Variants in PCDHGA4 observed in about 807,000 individuals in gnomAD.
PCDHGA4 encodes protocadherin gamma subfamily A, 4.
A neutral mutation model predicts 54.6 loss-of-function variants in PCDHGA4; 38 were observed. The ratio of observed to expected loss-of-function variants is 0.70; its 90% CI spans 0.54 to 0.91. The LOEUF is 0.91. Ranked by LOEUF, PCDHGA4 falls within the 40% of genes least tolerant of loss-of-function variation. The pLI, the probability that PCDHGA4 is intolerant of heterozygous loss-of-function variation, is 0.00. For missense variants in PCDHGA4, 1,298 were observed against 1,220.9 expected, an observed-to-expected ratio of 1.06 and a Z score of -0.94; for synonymous variants, 511 against 512.9, an observed-to-expected ratio of 1.00 and a Z score of 0.05.
intron 1 of PCDHGA4, among the ~76,000 whole-genome samples, chr5:141,462,736 T>C (rs2099045667): frequency 6.6e-6 from 1 of 152,274 alleles, no homozygotes; most frequent in South Asian, 2.1e-4. Flanking sequence ...TTGTCACCTC[T>C]GTAATTCCTA....
chr5:141,359,246 A>G (rs1007985499), intron 1 of PCDHGA4, among the ~76,000 whole-genome samples: 1 of 152,156 alleles, frequency 6.6e-6, no homozygotes, highest in Non-Finnish European at 1.5e-5. Flanking sequence ...TAAAGTAATT[A>G]AGCCATAAAA....
rs748605515 is a variant in PCDHGA4 at position 141,486,688 on chromosome 5, C to T, written c.2515-8119C>T. ...CCAGGAATCGAGATGTATCAGCTTC[C>T]TCTTTCATCTCTCTGAACCCCCAGA... On this transcript the variant is annotated intron_variant, in intron 1 of 3. Transcript: ENST00000571252. The surrounding 1 kb of genome is among the most constrained non-coding windows in gnomAD (Gnocchi z 5.0). 2 of 1,614,170 alleles carry T rather than the reference C, an allele frequency of 1.2e-6. No individual in the cohort carries two copies. The highest frequency in any genetic ancestry group is 1.1e-5 in the South Asian group (1 of 91,086).
intron 1 of PCDHGA4, chr5:141,423,372 C>G: frequency 6.2e-7 from 1 of 1,614,178 alleles, no homozygotes; most frequent in Non-Finnish European, 8.5e-7. Context: ...TGCTGGCACT[C>G]AGGCTGTGGC....
intron 1 of PCDHGA4, chr5:141,395,547 TGTGTG>T (rs2093267739): frequency 0.011 from 1,902 of 174,314 alleles, 94 homozygotes; most frequent in African/African-American, 0.026. Flanking sequence ...ATTGTTTGTG[TGTGTG>T]TGTGTGTGTG....
chr5:141,376,111 C>T (rs1772297221), intron 1 of PCDHGA4: 1 of 1,613,704 alleles, frequency 6.2e-7, no homozygotes, highest in Admixed American at 1.7e-5. Flanking sequence ...CCGACCTGGG[C>T]AGCCTCGAGC....
chr5:141,371,213 C>A, intron 1 of PCDHGA4: 1 of 1,614,002 alleles, frequency 6.2e-7, no homozygotes, highest in Non-Finnish European at 8.5e-7. Flanking sequence ...ATGAGGGCAT[C>A]AATGCCGAAA....
At chr5:141,453,145 G>A (rs1329081754) in intron 1 of PCDHGA4, among the ~76,000 whole-genome samples, 3 of 151,752 alleles carry the variant, frequency 2.0e-5, no homozygotes, top group Admixed American at 6.6e-5. Context: ...ATAGGGTCTC[G>A]CTATGTCACC....
intron 1 of PCDHGA4, chr5:141,379,506 A>T (rs774188975): frequency 9.2e-5 from 14 of 152,280 alleles, no homozygotes; most frequent in Non-Finnish European, 1.8e-4. Context: ...TGGGATGTTA[A>T]ACTACATCTT....
At chr5:141,398,698 T>C (rs2093690457) in intron 1 of PCDHGA4, 2 of 1,613,680 alleles carry the variant, frequency 1.2e-6, no homozygotes, top group Admixed American at 1.7e-5. Flanking sequence ...TGGTAGTAAA[T>C]ACCCGGAACT....
intron 1 of PCDHGA4, chr5:141,375,974 G>T: frequency 6.2e-7 from 1 of 1,613,354 alleles, no homozygotes; most frequent in Non-Finnish European, 8.5e-7. Context: ...CACGGCGCGC[G>T]CCCTGCTGGA....
In PCDHGA4 at chr5:141,356,852, T is replaced by A. The variant is rs1291274340; in HGVS notation, c.1745T>A (p.Phe582Tyr). ...AGCAGCAATGTGTCACTGAGCCTCT[T>A]TGTGCTGGACCAGAACGACAATGTC... ...PLSSNVSLSL[F>Y]VLDQNDNVPE... Residue 582 changes from phenylalanine (F) to tyrosine (Y), a missense_variant, in exon 1 of 4, where the codon TTT (phenylalanine) becomes TAT (tyrosine). Transcript: ENST00000571252. 1.9e-6 allele frequency: 3 copies of A among 1,614,178 alleles called. No individual in the cohort carries two copies. The South Asian group carries it at 3.3e-5, about 18-fold the overall frequency.
At chr5:141,384,549 G>C in intron 1 of PCDHGA4, 1 of 1,614,244 alleles carries the variant, frequency 6.2e-7, no homozygotes, top group Non-Finnish European at 8.5e-7. Context: ...CACTGAGCCT[G>C]TTCGTGCTGG....
intron 1 of PCDHGA4, chr5:141,376,132 A>T: frequency 6.2e-7 from 1 of 1,613,498 alleles, no homozygotes; most frequent in Non-Finnish European, 8.5e-7. Context: ...CCTCCGCCAA[A>T]CCCAACGATT....
intron 1 of PCDHGA4, chr5:141,426,745 A>G (rs866203428): frequency 6.2e-5 from 28 of 454,130 alleles, no homozygotes; most frequent in Middle Eastern, 6.5e-4. Context: ...TTTGGCCTGG[A>G]ATCTGCTATA....
chr5:141,360,775 G>A lies in PCDHGA4; in HGVS notation c.2514+3154G>A. 1.2e-6 allele frequency: 2 copies of A among 1,613,924 alleles called. 1 individual carries two copies. The highest frequency in any genetic ancestry group is 2.2e-5 in the South Asian group (2 of 91,086). On this transcript the variant is annotated intron_variant, in intron 1 of 3. Coordinates refer to ENST00000571252, the MANE Select transcript of PCDHGA4 (RefSeq NM_018917.4). ...CAGTTTACATCAATTGGTCCTCACA[G>A]CTGTGGATGGCGGAGACCCACCTCA...
chr5:141,418,597 G>T, intron 1 of PCDHGA4: 7 of 1,614,052 alleles, frequency 4.3e-6, no homozygotes, highest in South Asian at 1.1e-5. Flanking sequence ...GCCAGGACGT[G>T]TACAGGGTTA....
At chr5:141,365,829 C>A in intron 1 of PCDHGA4, 1 of 1,613,964 alleles carries the variant, frequency 6.2e-7, no homozygotes, top group Non-Finnish European at 8.5e-7. Flanking sequence ...CAGGGGGCGC[C>A]CTTGTCCTCC....
intron 1 of PCDHGA4, among the ~76,000 whole-genome samples, chr5:141,368,490 A>C (rs1765682210): frequency 6.6e-6 from 1 of 152,216 alleles, no homozygotes; most frequent in Admixed American, 6.5e-5. Context: ...AAGAGAATCT[A>C]TACAGTAGGT....
chr5:141,402,642 A>C (rs1236156893), intron 1 of PCDHGA4, among the ~76,000 whole-genome samples: 2 of 152,240 alleles, frequency 1.3e-5, no homozygotes, highest in Non-Finnish European at 2.9e-5. Flanking sequence ...TAAAATCATA[A>C]TTAGAAGAGA....
Sources: allele counts gnomAD v4.1 joint callset (sites outside exome capture counted in the v4.1 genomes callset), GRCh38; gene constraint gnomAD v4.1.1; non-coding constraint Gnocchi (gnomAD v3.1); transcripts MANE v1.5; gene names NCBI Gene and HGNC (gene_info 2026-07-23, HGNC 2026-07-21).